ANO1: variants seen among roughly 807,000 people sequenced by gnomAD.
ANO1 encodes anoctamin 1.
ANO1 carries 59 observed loss-of-function variants against 124.0 expected under a neutral mutation model. That is an observed-to-expected ratio of 0.48 (90% CI 0.39 to 0.59). ANO1 has a LOEUF of 0.59. Ranked by LOEUF, ANO1 falls within the 20% of genes least tolerant of loss-of-function variation. The probability of loss-of-function intolerance (pLI) is 0.00; values close to 1 mark genes in which losing one functional copy is unlikely to be tolerated. For synonymous variants in ANO1, 529 were observed against 532.0 expected (o/e 0.99, Z 0.08); for missense variants, 1,059 against 1,328.0 (o/e 0.80, Z 3.15).
intron 16 of ANO1, among the ~76,000 whole-genome samples, chr11:70,159,697 G>A (rs1021641630): frequency 4.6e-5 from 7 of 152,218 alleles, no homozygotes; most frequent in African/African-American, 9.6e-5. Flanking sequence ...GGCAGGGGAC[G>A]CGCCCGCTGG....
chr11:70,008,112 T>TTTG (rs34356843), intron 1 of ANO1, among the ~76,000 whole-genome samples: 42,662 of 151,932 alleles, frequency 0.28, 6,494 homozygotes, highest in African/African-American at 0.41. Flanking sequence ...AGTATTTGAT[T>TTTG]TTGTTGTTGT....
intron 23 of ANO1, among the ~76,000 whole-genome samples, 171 bp from the exon 24 acceptor site, chr11:70,182,331 G>A (rs1181272975): frequency 6.6e-6 from 1 of 152,182 alleles, no homozygotes; most frequent in Non-Finnish European, 1.5e-5. Flanking sequence ...GAACACCCGC[G>A]ACCCTGCATC....
At chr11:70,118,720 GGTGGATGGATGGGTGAATGA>G (rs1431217183) in intron 8 of ANO1, among the ~76,000 whole-genome samples, 6 of 151,446 alleles carry the variant, frequency 4.0e-5, no homozygotes, top group Non-Finnish European at 8.8e-5. Context: ...TGGATGAGTG[GGTGGATGGATGGGTGAATGA>G]GTGGATGGAC....
At chr11:70,130,583 G>A (rs1442784069) in intron 10 of ANO1, among the ~76,000 whole-genome samples, 1 of 152,216 alleles carries the variant, frequency 6.6e-6, no homozygotes, top group Non-Finnish European at 1.5e-5. Context: ...GCCGCCGATA[G>A]CCTGGAAGTA....
chr11:70,021,578 G>A (rs1555002634), intron 1 of ANO1, among the ~76,000 whole-genome samples: 1 of 152,004 alleles, frequency 6.6e-6, no homozygotes, highest in African/African-American at 2.4e-5. Context: ...ATTGTCCCCC[G>A]GAACCTGGTC....
At position 70,149,760 on chromosome 11, in the gene ANO1, C is replaced by T. The variant is rs781397454; in HGVS notation, c.1309C>T (p.Arg437Cys). Residue 437 changes from arginine (R) to cysteine (C), a missense_variant, in exon 12 of 26, where the codon CGC (arginine) becomes TGC (cysteine). Arg to Cys is a radical substitution (Grantham distance 180). Around this residue, in one of 2 missense-constraint regions of ANO1, gnomAD observed 809 missense variants for 1,094.9 expected, o/e 0.74. Transcript: ENST00000355303. Reference protein sequence around the residue: ...WKRKQMRLNYRWDLTGFEEEE... With the variant: ...WKRKQMRLNYCWDLTGFEEEE... ...GCGGAAACAGATGCGACTCAACTAC[C>T]GCTGGGACCTCACGGGCTTTGAAGA... is the stretch of plus-strand genomic sequence containing the variant. The T allele has an allele frequency of 1.0e-4, 162 of 1,613,742 alleles. No homozygotes were observed. In the Admixed American group the frequency reaches 2.4e-3, roughly 24 times the overall value.
intron 1 of ANO1, among the ~76,000 whole-genome samples, chr11:70,041,371 T>C (rs2135057297): frequency 6.6e-6 from 1 of 152,328 alleles, no homozygotes; most frequent in East Asian, 1.9e-4. Context: ...TGGGTTTGTG[T>C]CATTGATTTT....
intron 8 of ANO1, 92 bp from the exon 9 acceptor site, chr11:70,124,258 G>A: frequency 8.4e-7 from 1 of 1,185,734 alleles, no homozygotes; most frequent in Non-Finnish European, 1.2e-6. Context: ...AATGAATGAT[G>A]TCACGGAGGC....
chr11:70,054,056 T>C (rs1422163721), intron 1 of ANO1, among the ~76,000 whole-genome samples: 3 of 152,260 alleles, frequency 2.0e-5, no homozygotes, highest in African/African-American at 7.2e-5. Flanking sequence ...CTATCATTTG[T>C]GTCTGTCTTC....
intron 1 of ANO1, among the ~76,000 whole-genome samples, chr11:70,039,390 T>G (rs117951683): frequency 5.3e-5 from 8 of 152,322 alleles, no homozygotes; most frequent in Non-Finnish European, 1.2e-4. Flanking sequence ...CTTTTAATAA[T>G]GTATGTTAAT....
At chr11:70,086,123 G>A (rs185860947) in intron 1 of ANO1, among the ~76,000 whole-genome samples, 90 of 152,346 alleles carry the variant, frequency 5.9e-4, no homozygotes, top group African/African-American at 1.9e-3. Flanking sequence ...GCGTCCTCAC[G>A]TAGCCACAGG....
intron 1 of ANO1, among the ~76,000 whole-genome samples, chr11:70,018,949 G>A (rs1384686727): frequency 2.0e-5 from 3 of 152,166 alleles, no homozygotes; most frequent in African/African-American, 7.2e-5. Flanking sequence ...CCTCCCAGCC[G>A]TTCACACACA....
rs566602264 is a variant in ANO1 at position 70,181,703 on chromosome 11, G to A, written c.2404-799G>A. On this transcript the variant is annotated intron_variant, in intron 23 of 25. Transcript: ENST00000355303. Reference sequence around the variant, plus strand: ...GCACTTTGGGAGGCCAAGGCAGGAGGATCGCTTGAGGCGAGGAATTCAAGA... The same window carrying A: ...GCACTTTGGGAGGCCAAGGCAGGAGAATCGCTTGAGGCGAGGAATTCAAGA... Among the ~76,000 whole-genome samples the A allele has an allele frequency of 2.6e-5, 4 of 152,154 alleles. No homozygotes were observed. In the East Asian group the frequency reaches 7.7e-4, roughly 29 times the overall value.
chr11:70,078,249 C>A (rs1273240481), upstream of ANO1: 1 of 153,120 alleles, frequency 6.5e-6, no homozygotes, highest in Non-Finnish European at 1.5e-5. Flanking sequence ...ATCTGACCGG[C>A]GCGGCCACCG....
intron 1 of ANO1, among the ~76,000 whole-genome samples, chr11:70,081,384 T>A (rs1192142525): frequency 6.6e-6 from 1 of 152,204 alleles, no homozygotes; most frequent in East Asian, 1.9e-4. Flanking sequence ...CTGGCTTATC[T>A]GCTGTGGGAG....
rs570855792 is a variant in ANO1 at position 70,032,967 on chromosome 11, C to T, written c.59-45575C>T. On this transcript the variant is annotated intron_variant, in intron 1 of 27. Coordinates refer to the ANO1 transcript ENST00000531349. ...CACCACAGAAGGAATGAGTGAAAGC[C>T]TCCCTGGGTGAGGACCAGGCACACG... 1.7e-4 allele frequency among the ~76,000 whole-genome samples: 26 copies of T among 152,248 alleles called. No individual in the cohort carries two copies. In the South Asian group the frequency reaches 3.7e-3, roughly 22 times the overall value.
chr11:70,142,724 A>G (rs1359011513), intron 11 of ANO1, among the ~76,000 whole-genome samples: 1 of 152,162 alleles, frequency 6.6e-6, no homozygotes, highest in Non-Finnish European at 1.5e-5. Flanking sequence ...ACAGGCATGC[A>G]TTTCCCACAG....
chr11:70,173,722 G>A (rs1008019709), intron 22 of ANO1, among the ~76,000 whole-genome samples: 2 of 152,146 alleles, frequency 1.3e-5, no homozygotes, highest in South Asian at 2.1e-4. Context: ...CAAAGGCTAC[G>A]CTTTTCATAC....
the ANO1 span, among the ~76,000 whole-genome samples, chr11:69,972,884 A>AT: frequency 7.3e-3 from 1,048 of 143,816 alleles, 9 homozygotes; most frequent in African/African-American, 0.024. Flanking sequence ...CCTATCTGGC[A>AT]TTTTTTTTTC....
Sources: gnomAD v4.1 joint callset for allele counts (sites outside exome capture counted in the v4.1 genomes callset) on GRCh38, gnomAD v4.1.1 for gene constraint, gnomAD v4.1.1 regional missense constraint, MANE v1.5 for transcripts, NCBI Gene and HGNC (gene_info 2026-07-23, HGNC 2026-07-21) for gene names.